HHAT: variants seen among roughly 807,000 people sequenced by gnomAD.
The protein encoded by HHAT is hedgehog acyltransferase, also known as protein-cysteine N-palmitoyltransferase HHAT.
HHAT carries 47 observed loss-of-function variants against 70.8 expected under a neutral mutation model. The observed-to-expected ratio is 0.66, with a 90% confidence interval of 0.53 to 0.85. HHAT has a LOEUF of 0.85. HHAT is among the 40% of genes least tolerant of loss of function. The pLI is 0.00. For synonymous variants in HHAT, 228 were observed against 247.6 expected, an observed-to-expected ratio of 0.92 and a Z score of 0.74; for missense variants, 609 against 604.8, an observed-to-expected ratio of 1.01 and a Z score of -0.07.
At chr1:210,642,265 C>T (rs12122067) in intron 11 of HHAT, among the ~76,000 whole-genome samples, 36,447 of 152,106 alleles carry the variant, frequency 0.24, 5,277 homozygotes, top group South Asian at 0.36. Flanking sequence ...TACAGTATTT[C>T]GTTGTGTGAA....
chr1:210,499,948 CAA>C (rs1179664179), intron 8 of HHAT, among the ~76,000 whole-genome samples: 1 of 152,078 alleles, frequency 6.6e-6, no homozygotes, highest in Non-Finnish European at 1.5e-5. Context: ...ATAATAAAGT[CAA>C]ATACATTTTC....
chr1:210,617,698 G>A (rs1162437748), intron 10 of HHAT, among the ~76,000 whole-genome samples: 1 of 152,214 alleles, frequency 6.6e-6, no homozygotes. Context: ...AACTAAGCTG[G>A]ACATCTAAAC....
chr1:210,466,351 G>A (rs1356244644), intron 8 of HHAT, among the ~76,000 whole-genome samples: 2 of 152,222 alleles, frequency 1.3e-5, no homozygotes, highest in East Asian at 3.8e-4. Context: ...GCAAGATTGC[G>A]GAATGTTGGC....
intron 10 of HHAT, among the ~76,000 whole-genome samples, chr1:210,621,839 A>C (rs1668893392): frequency 6.6e-6 from 1 of 152,112 alleles, no homozygotes; most frequent in South Asian, 2.1e-4. Flanking sequence ...CAGACATCTC[A>C]CTGTCCACTG....
At chr1:210,540,502 TGCACAC>T (rs1438286901) in intron 9 of HHAT, among the ~76,000 whole-genome samples, 3 of 127,516 alleles carry the variant, frequency 2.4e-5, no homozygotes, top group Non-Finnish European at 5.3e-5. Context: ...CACACACACA[TGCACAC>T]ACACACAAAC....
chr1:210,403,303 A>G (rs998158989), intron 5 of HHAT, among the ~76,000 whole-genome samples: 1 of 152,260 alleles, frequency 6.6e-6, no homozygotes, highest in Non-Finnish European at 1.5e-5. Flanking sequence ...AGTAAAAATA[A>G]AAACAAGCTC....
At chr1:210,490,028 A>C (rs917749370) in intron 8 of HHAT, among the ~76,000 whole-genome samples, 1 of 152,258 alleles carries the variant, frequency 6.6e-6, no homozygotes, top group Non-Finnish European at 1.5e-5. Flanking sequence ...CAAAGAATTT[A>C]GTGAGCCCAT....
Position 210,485,276 on chromosome 1 carries a change from C to G in HHAT, c.1007+20621C>G, listed in dbSNP as rs566386784. Among the ~76,000 whole-genome samples, 983 of 152,294 alleles carry G rather than the reference C, an allele frequency of 6.5e-3. 11 individuals carry two copies. The highest frequency in any genetic ancestry group is 0.022 in the African/African-American group (925 of 41,570). ...TGCCAGCTCCTCCTCCTAGGGTATG[C>G]AGCACACAGTGCTACAGTCTGATCA... is the stretch of plus-strand genomic sequence containing the variant. On this transcript the variant is annotated intron_variant, in intron 8 of 11. Coordinates refer to ENST00000261458, the MANE Select transcript of HHAT (RefSeq NM_018194.6).
intron 8 of HHAT, among the ~76,000 whole-genome samples, chr1:210,494,025 A>G (rs2094592569): frequency 6.6e-6 from 1 of 152,210 alleles, no homozygotes; most frequent in Admixed American, 6.5e-5. Flanking sequence ...ATTGAAGCAG[A>G]TAAATATTAG....
At chr1:210,445,144 C>A (rs1479386755) in intron 7 of HHAT, among the ~76,000 whole-genome samples, 1 of 152,152 alleles carries the variant, frequency 6.6e-6, no homozygotes, top group Non-Finnish European at 1.5e-5. Flanking sequence ...AACCAACACA[C>A]AAACGAGTTT....
At chr1:210,463,813 C>A (rs2094033935) in intron 7 of HHAT, among the ~76,000 whole-genome samples, 1 of 152,248 alleles carries the variant, frequency 6.6e-6, no homozygotes. Context: ...TTCATCAACA[C>A]TTGCTGATCT....
At chr1:210,569,396 A>AAAAAAAAAAAAAAAAAAAAACAC (rs1655654706) in intron 9 of HHAT, among the ~76,000 whole-genome samples, 1 of 147,630 alleles carries the variant, frequency 6.8e-6, no homozygotes, top group Admixed American at 6.7e-5. Context: ...AAAAAAAAAA[A>AAAAAAAAAAAAAAAAAAAAACAC]AAAGCGTATA....
chr1:210,358,556 C>CT (rs949645443), intron 2 of HHAT, among the ~76,000 whole-genome samples: 6 of 152,210 alleles, frequency 3.9e-5, no homozygotes, highest in African/African-American at 1.4e-4. Context: ...TTGAGAGTTG[C>CT]TTACCGCTAA....
chr1:210,379,539 T>C (rs1478553123), intron 3 of HHAT, among the ~76,000 whole-genome samples: 3 of 152,244 alleles, frequency 2.0e-5, no homozygotes, highest in Non-Finnish European at 4.4e-5. Context: ...TGGGCTCACT[T>C]CTTTTCAGTC....
intron 9 of HHAT, among the ~76,000 whole-genome samples, chr1:210,578,611 A>G (rs1458648866): frequency 6.6e-6 from 1 of 152,232 alleles, no homozygotes; most frequent in Non-Finnish European, 1.5e-5. Flanking sequence ...AAAATGTGGT[A>G]TATACATACA....
intron 11 of HHAT, among the ~76,000 whole-genome samples, chr1:210,656,312 T>C (rs1324077897): frequency 2.0e-5 from 3 of 151,792 alleles, no homozygotes; most frequent in Non-Finnish European, 4.4e-5. Context: ...TGTGACAGTG[T>C]CACTTGTACG....
chr1:210,416,292 T>G (rs2092719441), intron 6 of HHAT, among the ~76,000 whole-genome samples: 1 of 152,194 alleles, frequency 6.6e-6, no homozygotes, highest in Non-Finnish European at 1.5e-5. Context: ...GGCCTTTATG[T>G]CATGAGCCCT....
chr1:210,503,125 A>C (rs1182360273), intron 8 of HHAT, among the ~76,000 whole-genome samples: 1 of 152,008 alleles, frequency 6.6e-6, no homozygotes. Flanking sequence ...ACACCCAGCT[A>C]ATTTTTGTAT....
At chr1:210,545,790 G>C (rs1311056701) in intron 9 of HHAT, among the ~76,000 whole-genome samples, 1 of 152,058 alleles carries the variant, frequency 6.6e-6, no homozygotes, top group Admixed American at 6.6e-5. Context: ...AAATTGTGTT[G>C]TTTCTCCCTG....
Sources: gnomAD v4.1 joint callset for allele counts (sites outside exome capture counted in the v4.1 genomes callset) on GRCh38, gnomAD v4.1.1 for gene constraint, MANE v1.5 for transcripts, NCBI Gene and HGNC (gene_info 2026-07-23, HGNC 2026-07-21) for gene names.